Variants in NR1I2 observed in about 807,000 individuals in gnomAD.
The protein encoded by NR1I2 is nuclear receptor subfamily 1 group I member 2, also known as orphan nuclear receptor PAR1.
NR1I2 carries 42 observed loss-of-function variants against 43.3 expected under a neutral mutation model. That is an observed-to-expected ratio of 0.97 (90% CI 0.76 to 1.26). The LOEUF (loss-of-function observed/expected upper bound fraction) is 1.26. NR1I2 is among the 50% of genes most tolerant of loss of function. The probability of loss-of-function intolerance (pLI) is 0.00; values close to 1 mark genes in which losing one functional copy is unlikely to be tolerated. For missense variants in NR1I2, 559 were observed against 566.7 expected (o/e 0.99, Z 0.14); for synonymous variants, 229 against 215.0 (o/e 1.06, Z -0.57).
chr3:119,787,655 ATATGTGTGTGTGTG>A (rs1186300460), intron 1 of NR1I2, among the ~76,000 whole-genome samples: 2 of 79,480 alleles, frequency 2.5e-5, no homozygotes, highest in Admixed American at 1.6e-4. Flanking sequence ...TCTGCTATTA[ATATGTGTGTGTGTG>A]TGTGTGTGTG....
At chr3:119,800,924 C>CAGGA (rs2055071642) in intron 1 of NR1I2, among the ~76,000 whole-genome samples, 1 of 152,208 alleles carries the variant, frequency 6.6e-6, no homozygotes, top group Non-Finnish European at 1.5e-5. Flanking sequence ...TTTACCCACT[C>CAGGA]AAAGACAAAC....
chr3:119,804,899 A>G (rs6438549), intron 1 of NR1I2, among the ~76,000 whole-genome samples: 125,738 of 152,016 alleles, frequency 0.83, 53,731 homozygotes, highest in East Asian at 1. Context: ...TGGACTTTTA[A>G]TGATAACCCT....
intron 2 of NR1I2, among the ~76,000 whole-genome samples, chr3:119,809,589 T>G (rs2055208804): frequency 6.6e-6 from 1 of 150,378 alleles, no homozygotes. Context: ...GGGGCGGGCT[T>G]CTCTGGTTTC....
In NR1I2 at chr3:119,811,625, G is replaced by GT; in HGVS notation, c.419dup (p.Gln141AlafsTer23). On this transcript the variant is annotated frameshift_variant, in exon 4 of 9. Coordinates refer to ENST00000393716, the MANE Select transcript of NR1I2 (RefSeq NM_003889.4). LOFTEE classifies it high-confidence loss of function. The stretch of plus-strand genomic sequence containing the variant: ...ACGGACAGGGACTCAGCCACTGGGA[G>GT]TGCAGGGGCTGACAGAGGAGCAGCG... 6.2e-7 allele frequency: 1 copy of GT among 1,614,016 alleles called. No homozygotes were observed. Among genetic ancestry groups the GT allele is most frequent in the Non-Finnish European group, 8.5e-7 (1 of 1,179,918 alleles).
intron 1 of NR1I2, among the ~76,000 whole-genome samples, chr3:119,795,415 G>C (rs2054984418): frequency 6.6e-6 from 1 of 152,148 alleles, no homozygotes; most frequent in South Asian, 2.1e-4. Context: ...CCCTTGTTTA[G>C]GACCACACAG....
chr3:119,791,109 CAGT>C (rs1414432438), intron 1 of NR1I2, among the ~76,000 whole-genome samples: 1 of 152,224 alleles, frequency 6.6e-6, no homozygotes, highest in Non-Finnish European at 1.5e-5. Flanking sequence ...CCCTGGGCAG[CAGT>C]CCAGCCAGCA....
At chr3:119,815,878 C>A in intron 8 of NR1I2, 47 bp downstream of exon 8, 1 of 1,493,250 alleles carries the variant, frequency 6.7e-7, no homozygotes, top group Non-Finnish European at 9.2e-7. Flanking sequence ...TGTGAGGGAG[C>A]CGAGGTTCAG....
At chr3:119,804,040 G>T (rs2055116437) in intron 1 of NR1I2, among the ~76,000 whole-genome samples, 2 of 151,462 alleles carry the variant, frequency 1.3e-5, no homozygotes, top group Admixed American at 6.6e-5. Context: ...TTACAGGCGT[G>T]AGCCACCACA....
chr3:119,817,389 G>A lies in NR1I2; in HGVS notation c.*177G>A. 6.7e-7 allele frequency: 1 copy of A among 1,481,886 alleles called. No individual in the cohort carries two copies. Among genetic ancestry groups the A allele is most frequent in the East Asian group, 2.5e-5 (1 of 39,770 alleles). 91.8% of individuals were successfully genotyped at this position (1,481,886 alleles called of 1,614,324 possible). A position where few individuals can be genotyped will look rare whatever the true frequency, so the allele number is the denominator to read the frequency against. On this transcript the variant is annotated 3_prime_UTR_variant, in exon 9 of 9. Coordinates refer to ENST00000393716, the MANE Select transcript of NR1I2 (RefSeq NM_003889.4). ...AGCATTCCTCAGGAAGGACATGGGT[G>A]CCCCCCACCCCCAGTTCAGTCTGTA... is the stretch of plus-strand genomic sequence containing the variant.
chr3:119,811,600 A>T lies in NR1I2; in HGVS notation c.393A>T (p.Glu131Asp). 1 of 1,614,016 alleles carries T rather than the reference A, an allele frequency of 6.2e-7. No individual in the cohort carries two copies. Among genetic ancestry groups the T allele is most frequent in the Non-Finnish European group, 8.5e-7 (1 of 1,179,958 alleles). ...CCTTGATCAAGCGGAAGAAAAGTGA[A>T]CGGACAGGGACTCAGCCACTGGGAG... is the stretch of plus-strand genomic sequence containing the variant. The change falls in exon 4 of 9, where the codon GAA becomes GAT. Residue 131 changes from glutamate (E) to aspartate (D), a missense_variant. Glu to Asp is a conservative substitution (Grantham distance 45, BLOSUM62 2). Transcript: ENST00000393716.
At chr3:119,800,596 T>C (rs796706485) in intron 1 of NR1I2, among the ~76,000 whole-genome samples, 7 of 152,220 alleles carry the variant, frequency 4.6e-5, no homozygotes, top group African/African-American at 9.6e-5. Flanking sequence ...GTCGTTTTTT[T>C]CCCCTTTTTG....
At chr3:119,801,142 C>A (rs569926833) in intron 1 of NR1I2, among the ~76,000 whole-genome samples, 2 of 152,294 alleles carry the variant, frequency 1.3e-5, no homozygotes, top group East Asian at 3.9e-4. Flanking sequence ...AGACTAAATT[C>A]ATTGATTTAT....
intron 1 of NR1I2, chr3:119,792,458 G>A (rs2054933491): frequency 8.7e-7 from 1 of 1,149,054 alleles, no homozygotes; most frequent in Non-Finnish European, 1.3e-6. Flanking sequence ...GTGCAAGCTG[G>A]AAGCTGCAGA....
chr3:119,809,759 G>A (rs889742788), intron 2 of NR1I2, among the ~76,000 whole-genome samples: 10 of 152,210 alleles, frequency 6.6e-5, no homozygotes, highest in Non-Finnish European at 1.0e-4. Flanking sequence ...GGCCTGGAGA[G>A]GAAGTGTCCC....
intron 8 of NR1I2, among the ~76,000 whole-genome samples, chr3:119,816,834 A>C (rs2055336573): frequency 6.6e-6 from 1 of 151,628 alleles, no homozygotes; most frequent in South Asian, 2.1e-4. Context: ...AAAGAAAAAA[A>C]AAAAAAAAAG....
intron 1 of NR1I2, chr3:119,782,955 C>G: frequency 1.1e-6 from 1 of 913,634 alleles, no homozygotes; most frequent in East Asian, 2.5e-5. Context: ...CTCCACTTTA[C>G]AGCCCAGCTC....
chr3:119,802,995 T>C, intron 1 of NR1I2: 1 of 456,234 alleles, frequency 2.2e-6, no homozygotes, highest in South Asian at 1.5e-5. Flanking sequence ...GGTGATTGGG[T>C]CATGAGGGTA....
intron 2 of NR1I2, 106 bp from the exon 3 acceptor site, chr3:119,809,955 T>A: frequency 6.9e-7 from 1 of 1,458,512 alleles, no homozygotes; most frequent in Non-Finnish European, 9.5e-7. Flanking sequence ...AGTGTCCCCC[T>A]CCCCGAGTCG....
chr3:119,810,987 A>G (rs1396552486), intron 3 of NR1I2: 1 of 153,994 alleles, frequency 6.5e-6, no homozygotes, highest in African/African-American at 2.4e-5. Flanking sequence ...CCAGCTCTCT[A>G]GGGTCTTGGA....
Sources: gnomAD v4.1 joint callset for allele counts (sites outside exome capture counted in the v4.1 genomes callset) on GRCh38, gnomAD v4.1.1 for gene constraint, MANE v1.5 for transcripts, NCBI Gene and HGNC (gene_info 2026-07-23, HGNC 2026-07-21) for gene names.